CNTN5: variants seen among roughly 807,000 people sequenced by gnomAD.
CNTN5 encodes the protein contactin-5.
In CNTN5, 77 loss-of-function variants were observed where a neutral mutation model predicts 129.1. The ratio of observed to expected loss-of-function variants is 0.60; its 90% CI spans 0.50 to 0.72. The LOEUF (loss-of-function observed/expected upper bound fraction) is 0.72, where lower values mean the gene tolerates loss of function less well. Among genes scored for constraint, CNTN5 ranks in the 30% least tolerant of loss-of-function variants. The pLI, the probability that CNTN5 is intolerant of heterozygous loss-of-function variation, is 0.00. For synonymous variants in CNTN5, 509 were observed against 465.6 expected, an observed-to-expected ratio of 1.09 and a Z score of -1.20; for missense variants, 1,478 against 1,328.8, an observed-to-expected ratio of 1.11 and a Z score of -1.75.
intron 6 of CNTN5, among the ~76,000 whole-genome samples, chr11:99,874,590 C>T (rs577409269): frequency 6.6e-6 from 1 of 152,216 alleles, no homozygotes. Context: ...TCTAATCTAT[C>T]ATTTATCTTT....
At chr11:100,163,370 C>A (rs930095511) in intron 13 of CNTN5, among the ~76,000 whole-genome samples, 1 of 151,642 alleles carries the variant, frequency 6.6e-6, no homozygotes, top group Non-Finnish European at 1.5e-5. Flanking sequence ...ACAGAGCATT[C>A]TCACTGTAAT....
intron 3 of CNTN5, among the ~76,000 whole-genome samples, chr11:99,629,084 A>T (rs1469216498): frequency 1.3e-5 from 2 of 152,060 alleles, no homozygotes; most frequent in Non-Finnish European, 2.9e-5. Flanking sequence ...AGAAAAAACA[A>T]TAAATATGTT....
intron 1 of CNTN5, among the ~76,000 whole-genome samples, chr11:99,128,424 TG>T (rs1040550724): frequency 6.6e-6 from 1 of 152,062 alleles, no homozygotes; most frequent in African/African-American, 2.4e-5. Flanking sequence ...CCCTTCTCAC[TG>T]GGCAGGGCCT....
chr11:100,085,747 C>A (rs988362728), intron 13 of CNTN5, among the ~76,000 whole-genome samples: 13 of 152,186 alleles, frequency 8.5e-5, no homozygotes, highest in African/African-American at 3.1e-4. Flanking sequence ...CCTAAGCACA[C>A]ACACTCGTAA....
chr11:99,423,487 C>T (rs752274133), intron 2 of CNTN5, among the ~76,000 whole-genome samples: 4 of 152,134 alleles, frequency 2.6e-5, no homozygotes, highest in African/African-American at 4.8e-5. Flanking sequence ...TTCAAAGAAA[C>T]AGAAAAAGTA....
intron 3 of CNTN5, among the ~76,000 whole-genome samples, chr11:99,649,461 T>C (rs1198425440): frequency 6.6e-6 from 1 of 151,798 alleles, no homozygotes; most frequent in Non-Finnish European, 1.5e-5. Context: ...AACTTTATTT[T>C]CCCTGGAATA....
chr11:99,312,040 G>C (rs80235314), intron 1 of CNTN5, among the ~76,000 whole-genome samples: 12,240 of 152,184 alleles, frequency 0.08, 587 homozygotes, highest in Middle Eastern at 0.12. Context: ...TAAATTTCAA[G>C]TGGCCACAAA....
intron 1 of CNTN5, among the ~76,000 whole-genome samples, chr11:99,136,760 A>G (rs868347827): frequency 8.7e-6 from 1 of 115,342 alleles, no homozygotes; most frequent in Non-Finnish European, 1.8e-5. Flanking sequence ...GATGGACGGA[A>G]GAAGGCATAA....
At chr11:99,923,809 G>T (rs369106023) in intron 7 of CNTN5, among the ~76,000 whole-genome samples, 1 of 97,370 alleles carries the variant, frequency 1.0e-5, no homozygotes, top group Admixed American at 1.1e-4. Flanking sequence ...CTATCTATCT[G>T]ACAGAGTCTT....
chr11:99,639,038 T>C (rs1404766231), intron 3 of CNTN5, among the ~76,000 whole-genome samples: 1 of 152,230 alleles, frequency 6.6e-6, no homozygotes, highest in African/African-American at 2.4e-5. Flanking sequence ...AGCAAACTTT[T>C]GCCTGTGCAT....
At chr11:100,155,501 T>C (rs1306606471) in intron 13 of CNTN5, among the ~76,000 whole-genome samples, 1 of 152,086 alleles carries the variant, frequency 6.6e-6, no homozygotes, top group African/African-American at 2.4e-5. Context: ...CTTGGCTATA[T>C]GGGCTCTTTT....
intron 4 of CNTN5, among the ~76,000 whole-genome samples, chr11:99,831,139 T>C (rs1947126279): frequency 6.6e-6 from 1 of 152,178 alleles, no homozygotes. Context: ...TAAATCATGA[T>C]AACTAGGTTC....
At chr11:100,288,414 A>T (rs1591479878) in intron 18 of CNTN5, among the ~76,000 whole-genome samples, 1 of 152,212 alleles carries the variant, frequency 6.6e-6, no homozygotes, top group African/African-American at 2.4e-5. Flanking sequence ...ACTATCTCTC[A>T]GACCACAGTG....
rs1282286919 is a variant in CNTN5, at chr11:99,135,493, C to T, written c.-210+114223C>T. Among the ~76,000 whole-genome samples the T allele has an allele frequency of 5.3e-5, 8 of 152,066 alleles. 1 individual carries two copies. Among genetic ancestry groups the T allele is most frequent in the South Asian group, 2.1e-4 (1 of 4,810 alleles). On this transcript the variant is annotated intron_variant, in intron 1 of 24. Transcript: ENST00000524871. ...TCCAGAAACAGAAAGAAAGCCAGGG[C>T]GACTGAAATCCAGGGGGCAGAGGAA...
At chr11:99,624,812 G>A (rs1204731476) in intron 3 of CNTN5, among the ~76,000 whole-genome samples, 1 of 152,080 alleles carries the variant, frequency 6.6e-6, no homozygotes, top group Non-Finnish European at 1.5e-5. Context: ...TCCAAATATA[G>A]CTCATTGCTT....
chr11:99,066,753 G>A (rs541907102), intron 1 of CNTN5, among the ~76,000 whole-genome samples: 2 of 152,188 alleles, frequency 1.3e-5, no homozygotes, highest in African/African-American at 4.8e-5. Context: ...ATCCAGCACT[G>A]CATTTATGCT....
At chr11:99,805,070 C>G (rs894543688) in intron 3 of CNTN5, among the ~76,000 whole-genome samples, 2 of 151,902 alleles carry the variant, frequency 1.3e-5, no homozygotes, top group South Asian at 4.1e-4. Context: ...ATATAAATTT[C>G]GACAAAGAGA....
chr11:99,811,314 G>C (rs1946421273), intron 3 of CNTN5, among the ~76,000 whole-genome samples: 1 of 151,524 alleles, frequency 6.6e-6, no homozygotes, highest in Non-Finnish European at 1.5e-5. Context: ...AGAAAATTCA[G>C]GAATATTTTG....
chr11:99,247,005 G>C (rs1252630276), intron 1 of CNTN5, among the ~76,000 whole-genome samples: 1 of 152,078 alleles, frequency 6.6e-6, no homozygotes, highest in Non-Finnish European at 1.5e-5. Context: ...ATTGACAGAA[G>C]TTTATAGCTT....
Sources: allele counts gnomAD v4.1 joint callset (sites outside exome capture counted in the v4.1 genomes callset), GRCh38; gene constraint gnomAD v4.1.1; transcripts MANE v1.5; gene names NCBI Gene and HGNC (gene_info 2026-07-23, HGNC 2026-07-21).